Variants in PTPRT observed in about 807,000 individuals in gnomAD.
The protein encoded by PTPRT is receptor-type tyrosine-protein phosphatase T.
Under a neutral mutation model 176.8 loss-of-function variants are expected in PTPRT, and 56 were observed. That is an observed-to-expected ratio of 0.32 (90% CI 0.26 to 0.40). The LOEUF (loss-of-function observed/expected upper bound fraction) is 0.40. Among genes scored for constraint, PTPRT ranks in the 10% least tolerant of loss-of-function variants. The pLI, the probability that PTPRT is intolerant of heterozygous loss-of-function variation, is 1.00. For synonymous variants in PTPRT, 783 were observed against 739.0 expected (o/e 1.06, Z -0.96); for missense variants, 1,540 against 1,908.2 (o/e 0.81, Z 3.60).
chr20:42,870,384 C>T (rs1054321035), intron 2 of PTPRT, among the ~76,000 whole-genome samples: 4 of 152,208 alleles, frequency 2.6e-5, no homozygotes, highest in Non-Finnish European at 1.5e-5. Context: ...GCGTATACCA[C>T]ATTTTCTTTA....
chr20:43,189,305 C>T lies in PTPRT; in HGVS notation c.88+341G>A, dbSNP rs1269396504. The stretch of plus-strand genomic sequence containing the variant: ...CGGTGCCGCTCCTCGTCTCGCCGCC[C>T]CAAACACTCAAGTGGCAGATTCCGA... On this transcript the variant is annotated intron_variant, in intron 1 of 30. Transcript: ENST00000373187. This position sits in a 1 kb window ranked among gnomAD's most constrained non-coding sequence, Gnocchi z 5.0. 6.6e-6 allele frequency among the ~76,000 whole-genome samples: 1 copy of T among 152,172 alleles called. No homozygotes were observed. Among genetic ancestry groups the T allele is most frequent in the Non-Finnish European group, 1.5e-5 (1 of 68,034 alleles).
chr20:42,626,653 A>G (rs559764899), intron 7 of PTPRT, among the ~76,000 whole-genome samples: 3 of 152,312 alleles, frequency 2.0e-5, no homozygotes, highest in East Asian at 1.9e-4. Context: ...GAGAGGACCT[A>G]CATTCACAGG....
At chr20:42,638,424 A>G (rs746647571) in intron 7 of PTPRT, among the ~76,000 whole-genome samples, 1 of 152,098 alleles carries the variant, frequency 6.6e-6, no homozygotes, top group Non-Finnish European at 1.5e-5. Context: ...CTCCTGCTCT[A>G]CATGTATTAT....
At chr20:43,102,527 C>T (rs1238985958) in intron 1 of PTPRT, among the ~76,000 whole-genome samples, 1 of 152,112 alleles carries the variant, frequency 6.6e-6, no homozygotes, top group Non-Finnish European at 1.5e-5. Context: ...CGTCAGTGAG[C>T]CGCCCACCTC....
intron 7 of PTPRT, among the ~76,000 whole-genome samples, chr20:42,578,041 C>T (rs2073295939): frequency 6.6e-6 from 1 of 151,888 alleles, no homozygotes. Flanking sequence ...CAGAGCCCAT[C>T]TGACCCTGAG....
chr20:42,102,637 G>T (rs1259599546), intron 25 of PTPRT, among the ~76,000 whole-genome samples: 1 of 152,214 alleles, frequency 6.6e-6, no homozygotes, highest in Non-Finnish European at 1.5e-5. Flanking sequence ...GGCCAGCCAG[G>T]AGGGCATACA....
intron 1 of PTPRT, among the ~76,000 whole-genome samples, chr20:42,929,274 G>A (rs1273933453): frequency 6.6e-6 from 1 of 152,240 alleles, no homozygotes; most frequent in Non-Finnish European, 1.5e-5. Context: ...ATACACTCAC[G>A]CACTTGAAGT....
At chr20:42,984,601 T>C (rs956442739) in intron 1 of PTPRT, among the ~76,000 whole-genome samples, 1 of 152,228 alleles carries the variant, frequency 6.6e-6, no homozygotes, top group Non-Finnish European at 1.5e-5. Context: ...GCAGCAAATT[T>C]TCTTGAGCAC....
At chr20:43,188,460 C>T (rs1220455327) in intron 1 of PTPRT, among the ~76,000 whole-genome samples, 2 of 152,124 alleles carry the variant, frequency 1.3e-5, no homozygotes, top group East Asian at 3.9e-4. Context: ...TAACCTCAGA[C>T]GCAGCTTGTG....
chr20:42,979,610 A>G (rs988619735), intron 1 of PTPRT, among the ~76,000 whole-genome samples: 3 of 152,168 alleles, frequency 2.0e-5, no homozygotes, highest in Non-Finnish European at 4.4e-5. Context: ...CTGAGAGGAC[A>G]CATTCACTGG....
At position 42,235,417 on chromosome 20, in the gene PTPRT, C is replaced by T. The variant is rs148661030; in HGVS notation, c.2342+812G>A. 1.9e-3 allele frequency among the ~76,000 whole-genome samples: 291 copies of T among 152,128 alleles called. 5 individuals carry two copies. The East Asian group carries it at 0.042, about 22-fold the overall frequency. On this transcript the variant is annotated intron_variant, in intron 15 of 30. Transcript: ENST00000373187. ...CTTGGACTACAGACGCCTGCCATCA[C>T]GCCCAGCTCATTTTTGTATTTTTAG...
intron 11 of PTPRT, among the ~76,000 whole-genome samples, chr20:42,338,195 G>A (rs1255493344): frequency 6.6e-6 from 1 of 152,132 alleles, no homozygotes; most frequent in Non-Finnish European, 1.5e-5. Context: ...TTTAATCATG[G>A]GAGCATTAAC....
intron 2 of PTPRT, among the ~76,000 whole-genome samples, chr20:42,830,414 C>A (rs1055681735): frequency 2.0e-5 from 3 of 152,168 alleles, no homozygotes; most frequent in African/African-American, 7.2e-5. Context: ...ATGTTAAAAA[C>A]TTTCAATACA....
chr20:43,022,866 G>A (rs540102826), intron 1 of PTPRT, among the ~76,000 whole-genome samples: 27 of 152,302 alleles, frequency 1.8e-4, no homozygotes, highest in African/African-American at 6.3e-4. Context: ...ATATTGAAGA[G>A]TTGGCAACAT....
chr20:42,982,970 C>G (rs915537765), intron 1 of PTPRT, among the ~76,000 whole-genome samples: 1 of 152,222 alleles, frequency 6.6e-6, no homozygotes, highest in Non-Finnish European at 1.5e-5. Flanking sequence ...TTCCCAAGGT[C>G]ACACGGCCAG....
chr20:42,326,933 G>A lies in PTPRT; in HGVS notation c.1866-10937C>T, dbSNP rs112351987. 7.2e-3 allele frequency among the ~76,000 whole-genome samples: 1,082 copies of A among 150,958 alleles called. 12 individuals are homozygous for A. The highest frequency in any genetic ancestry group is 0.025 in the African/African-American group (1,037 of 41,044). ...CAGTAAGATTTGTTTTGTTCAAATG[G>A]GAAATATGGTTAAGAACTTAAAAAA... On this transcript the variant is annotated intron_variant, in intron 11 of 30. Coordinates refer to ENST00000373187, the MANE Select transcript of PTPRT (RefSeq NM_007050.6).
intron 1 of PTPRT, among the ~76,000 whole-genome samples, chr20:43,137,476 A>C (rs1360403690): frequency 6.6e-6 from 1 of 152,218 alleles, no homozygotes; most frequent in Non-Finnish European, 1.5e-5. Context: ...TTGCTATCTT[A>C]CTAGTTGCAG....
chr20:43,103,507 A>G (rs1390876766), intron 1 of PTPRT, among the ~76,000 whole-genome samples: 1 of 152,152 alleles, frequency 6.6e-6, no homozygotes, highest in Admixed American at 6.6e-5. Flanking sequence ...AACTGCAGCC[A>G]TGATAAGGGA....
At chr20:42,327,262 A>C (rs548624837) in intron 11 of PTPRT, among the ~76,000 whole-genome samples, 1 of 152,208 alleles carries the variant, frequency 6.6e-6, no homozygotes, top group African/African-American at 2.4e-5. Context: ...CATATGAAAA[A>C]CCACATTATA....
Sources: gnomAD v4.1 joint callset for allele counts (sites outside exome capture counted in the v4.1 genomes callset) on GRCh38, gnomAD v4.1.1 for gene constraint, Gnocchi (gnomAD v3.1) non-coding constraint, MANE v1.5 for transcripts, NCBI Gene and HGNC (gene_info 2026-07-23, HGNC 2026-07-21) for gene names.